PTPRD: variants seen among roughly 807,000 people sequenced by gnomAD.
The protein encoded by PTPRD is receptor-type tyrosine-protein phosphatase delta.
PTPRD carries 34 observed loss-of-function variants against 214.5 expected under a neutral mutation model. The observed-to-expected ratio is 0.16, with a 90% CI of 0.12 to 0.21. PTPRD has a LOEUF of 0.21. Ranked by LOEUF, PTPRD falls within the 10% of genes least tolerant of loss-of-function variation. PTPRD has a pLI of 1.00. For missense variants in PTPRD, 2,545 were observed against 2,398.7 expected (o/e 1.06, Z -1.27); for synonymous variants, 1,128 against 845.7 (o/e 1.33, Z -5.79).
intron 33 of PTPRD, chr9:8,454,547 G>A: frequency 6.2e-7 from 1 of 1,610,820 alleles, no homozygotes; most frequent in Non-Finnish European, 8.5e-7. Flanking sequence ...TTTTCTTACT[G>A]AACATTAAAG....
intron 3 of PTPRD, among the ~76,000 whole-genome samples, chr9:10,284,473 T>C (rs1479677820): frequency 6.6e-6 from 1 of 152,212 alleles, no homozygotes; most frequent in Admixed American, 6.5e-5. Context: ...AATGCTTTTA[T>C]TTGGGAAACA....
intron 2 of PTPRD, among the ~76,000 whole-genome samples, chr9:10,512,186 G>GGAGAT (rs79401803): frequency 6.6e-6 from 1 of 150,796 alleles, no homozygotes; most frequent in Non-Finnish European, 1.5e-5. Context: ...TACAAAAAAA[G>GGAGAT]CTTATTTACC....
Position 8,744,348 on chromosome 9 carries a change from G to C in PTPRD, c.-103-10402C>G, listed in dbSNP as rs923375984. On this transcript the variant is annotated intron_variant, in intron 11 of 45. Coordinates refer to ENST00000381196, the MANE Select transcript of PTPRD (RefSeq NM_002839.4). ...ATTATCCGAAAAGATACTTGCACAC[G>C]CATGTATACAGCAGCACAATTTGCA... is the stretch of plus-strand genomic sequence containing the variant. 1.5e-3 allele frequency among the ~76,000 whole-genome samples: 232 copies of C among 152,206 alleles called. 1 individual carries two copies. The highest frequency in any genetic ancestry group is 5.5e-3 in the African/African-American group (227 of 41,492).
At chr9:10,008,067 G>C (rs1470424486) in intron 4 of PTPRD, among the ~76,000 whole-genome samples, 5 of 151,906 alleles carry the variant, frequency 3.3e-5, no homozygotes, top group Non-Finnish European at 5.9e-5. Flanking sequence ...AAATCTGGGG[G>C]AGCTGGCATT....
At position 8,751,420 on chromosome 9, in the gene PTPRD, GAA is replaced by G. The variant is rs57993186; in HGVS notation, c.-103-17476_-103-17475del. Among the ~76,000 whole-genome samples, 543 of 150,970 alleles carry G rather than the reference GAA, an allele frequency of 3.6e-3. 4 individuals carry two copies. Among genetic ancestry groups the G allele is most frequent in the African/African-American group, 0.013 (523 of 40,876 alleles). The stretch of plus-strand genomic sequence containing the variant: ...ACTCACTTAAAAAAAAAAAAGAAAA[GAA>G]AAAAAAATATTTTTAGGTTTCTGAA... On this transcript the variant is annotated intron_variant, in intron 11 of 45. Coordinates refer to ENST00000381196, the MANE Select transcript of PTPRD (RefSeq NM_002839.4).
chr9:8,523,181 G>C (rs554595995), intron 19 of PTPRD, among the ~76,000 whole-genome samples: 1 of 152,280 alleles, frequency 6.6e-6, no homozygotes, highest in South Asian at 2.1e-4. Context: ...TCTATGGGCA[G>C]CAGGCATCCT....
At chr9:8,730,227 G>C (rs2098641323) in intron 12 of PTPRD, among the ~76,000 whole-genome samples, 1 of 152,148 alleles carries the variant, frequency 6.6e-6, no homozygotes, top group African/African-American at 2.4e-5. Flanking sequence ...CTGCACTCCA[G>C]CCTAGGCGAC....
chr9:9,593,208 T>G (rs910203800), intron 7 of PTPRD, among the ~76,000 whole-genome samples: 3 of 150,714 alleles, frequency 2.0e-5, no homozygotes, highest in Non-Finnish European at 4.4e-5. Context: ...TTTTTTTTTG[T>G]TTTTGTTTTT....
intron 14 of PTPRD, among the ~76,000 whole-genome samples, chr9:8,588,616 A>C (rs1299524757): frequency 6.6e-6 from 1 of 152,196 alleles, no homozygotes; most frequent in Non-Finnish European, 1.5e-5. Flanking sequence ...CATTTAGGAG[A>C]AAAGATATTT....
At chr9:8,739,992 T>A (rs2091506467) in intron 11 of PTPRD, among the ~76,000 whole-genome samples, 1 of 152,208 alleles carries the variant, frequency 6.6e-6, no homozygotes, top group Non-Finnish European at 1.5e-5. Flanking sequence ...TTAAACCTTT[T>A]TTTCTTCCCA....
At chr9:8,699,300 CAT>C (rs1565376841) in intron 12 of PTPRD, among the ~76,000 whole-genome samples, 6 of 152,166 alleles carry the variant, frequency 3.9e-5, no homozygotes, top group Non-Finnish European at 7.4e-5. Flanking sequence ...GGCCTTTCAA[CAT>C]ATCCCCACAG....
chr9:8,703,180 T>C (rs973839364), intron 12 of PTPRD, among the ~76,000 whole-genome samples: 1 of 152,188 alleles, frequency 6.6e-6, no homozygotes, highest in African/African-American at 2.4e-5. Flanking sequence ...CCAGACCAAA[T>C]ATGCAGGATG....
intron 44 of PTPRD, among the ~76,000 whole-genome samples, chr9:8,321,509 ATATATATATATATATAT>A (rs1267545206): frequency 1.6e-5 from 2 of 125,378 alleles, no homozygotes; most frequent in Non-Finnish European, 1.7e-5. Context: ...ATATATATAT[ATATATATATATATATAT>A]AAAAGGTATA....
intron 9 of PTPRD, among the ~76,000 whole-genome samples, chr9:9,294,152 G>C (rs142853084): frequency 6.6e-6 from 1 of 151,588 alleles, no homozygotes; most frequent in Non-Finnish European, 1.5e-5. Context: ...GGGATGACAT[G>C]AAATTTCATC....
chr9:10,438,194 C>T (rs2098734984), intron 2 of PTPRD, among the ~76,000 whole-genome samples: 1 of 151,172 alleles, frequency 6.6e-6, no homozygotes. Flanking sequence ...AGTTTTCATT[C>T]ATATAACAAT....
At chr9:8,456,367 C>T (rs958126303) in intron 33 of PTPRD, among the ~76,000 whole-genome samples, 11 of 152,040 alleles carry the variant, frequency 7.2e-5, no homozygotes, top group Admixed American at 2.0e-4. Context: ...GAGGCAGGCA[C>T]CCAGAAAGGC....
chr9:9,344,939 A>G (rs2048253916), intron 9 of PTPRD, among the ~76,000 whole-genome samples: 1 of 152,112 alleles, frequency 6.6e-6, no homozygotes, highest in Admixed American at 6.6e-5. Context: ...AGTTTCTGAA[A>G]AAATGTTACT....
intron 9 of PTPRD, among the ~76,000 whole-genome samples, chr9:9,390,958 G>C (rs2065628063): frequency 1.3e-5 from 2 of 152,164 alleles, no homozygotes; most frequent in South Asian, 4.1e-4. Flanking sequence ...AGATGGTGTT[G>C]ATTGCAAGAT....
rs377259293 is a variant in PTPRD, at chr9:8,779,166, G to C, written c.-103-45220C>G. Reference sequence around the variant, plus strand: ...GTATACCCATAGCAGAAGGCTGACAGAAAAATAACAGCAGGAAGACAGAGA... The same window carrying C: ...GTATACCCATAGCAGAAGGCTGACACAAAAATAACAGCAGGAAGACAGAGA... On this transcript the variant is annotated intron_variant, in intron 11 of 45. Transcript: ENST00000381196. Among the ~76,000 whole-genome samples, 9 of 152,266 alleles carry C rather than the reference G, an allele frequency of 5.9e-5. No individual in the cohort carries two copies. In the East Asian group the frequency reaches 1.7e-3, roughly 29 times the overall value.
Sources: allele counts gnomAD v4.1 joint callset (sites outside exome capture counted in the v4.1 genomes callset), GRCh38; gene constraint gnomAD v4.1.1; transcripts MANE v1.5; gene names NCBI Gene and HGNC (gene_info 2026-07-23, HGNC 2026-07-21).